ZNF407: variants seen among roughly 807,000 people sequenced by gnomAD.
The protein encoded by ZNF407 is zinc finger protein 407.
Under a neutral mutation model 131.2 loss-of-function variants are expected in ZNF407, and 17 were observed. The ratio of observed to expected loss-of-function variants is 0.13; its 90% CI spans 0.09 to 0.19. The LOEUF (loss-of-function observed/expected upper bound fraction) is 0.19, where lower values mean the gene tolerates loss of function less well. Among genes scored for constraint, ZNF407 ranks in the 10% least tolerant of loss-of-function variants. ZNF407 has a pLI of 1.00. For synonymous variants in ZNF407, 1,156 were observed against 1,062.0 expected, an observed-to-expected ratio of 1.09 and a Z score of -1.72; for missense variants, 2,681 against 2,830.6, an observed-to-expected ratio of 0.95 and a Z score of 1.20.
intron 8 of ZNF407, among the ~76,000 whole-genome samples, chr18:75,056,145 G>A (rs984501732): frequency 1.3e-5 from 2 of 152,098 alleles, no homozygotes; most frequent in East Asian, 3.9e-4. Flanking sequence ...TTGTCCTTAG[G>A]CCAGCTCCTG....
intron 4 of ZNF407, among the ~76,000 whole-genome samples, chr18:74,866,109 A>G (rs1461801930): frequency 1.8e-4 from 27 of 152,314 alleles, no homozygotes; most frequent in African/African-American, 4.8e-5. Context: ...TGATCTTTCA[A>G]TATGTCTGCA....
Position 74,635,033 on chromosome 18 carries a change from A to G in ZNF407, c.4014A>G (p.Glu1338=), listed in dbSNP as rs1555671438. 2 of 1,613,998 alleles carry G rather than the reference A, an allele frequency of 1.2e-6. No individual in the cohort carries two copies. The highest frequency in any genetic ancestry group is 2.2e-5 in the South Asian group (2 of 91,088). ...CAGTTGAAAGTAGTGATGTCTATGA[A>G]ACTATAATTAGTATTGATGATAAAG... is the stretch of plus-strand genomic sequence containing the variant. ...DSTVESSDVY[E]TIISIDDKGQ... The change falls in exon 2 of 9, where the codon GAA becomes GAG. Residue 1338 remains glutamate, a synonymous_variant. Transcript: ENST00000299687. This position sits in a 1 kb window ranked among gnomAD's most constrained non-coding sequence, Gnocchi z 4.7.
chr18:74,657,577 T>C (rs1985519158), intron 3 of ZNF407, among the ~76,000 whole-genome samples: 1 of 152,180 alleles, frequency 6.6e-6, no homozygotes, highest in African/African-American at 2.4e-5. Context: ...TCCTACCTCA[T>C]TGATCTTTGC....
intron 3 of ZNF407, among the ~76,000 whole-genome samples, chr18:74,651,603 TG>T (rs1284737765): frequency 6.6e-6 from 1 of 152,154 alleles, no homozygotes; most frequent in Non-Finnish European, 1.5e-5. Flanking sequence ...ACTTAATTAA[TG>T]GGATGCATAT....
chr18:75,011,744 AT>A, intron 8 of ZNF407, among the ~76,000 whole-genome samples: 1 of 152,168 alleles, frequency 6.6e-6, no homozygotes, highest in East Asian at 1.9e-4. Context: ...AATTGAATGT[AT>A]CTTAAACTCG....
At chr18:74,827,917 C>T (rs772294623) in intron 4 of ZNF407, among the ~76,000 whole-genome samples, 1 of 152,204 alleles carries the variant, frequency 6.6e-6, no homozygotes, top group Non-Finnish European at 1.5e-5. Flanking sequence ...GTTCATACCT[C>T]CCTTCTATGA....
intron 8 of ZNF407, among the ~76,000 whole-genome samples, chr18:74,997,110 T>C (rs1220955219): frequency 6.6e-6 from 1 of 152,210 alleles, no homozygotes; most frequent in Non-Finnish European, 1.5e-5. Context: ...GTAACAGATT[T>C]AATGAGCTAG....
rs72975457 is a variant in ZNF407 at position 74,835,740 on chromosome 18, T to C, written c.4878-41457T>C. Among the ~76,000 whole-genome samples, 809 of 151,924 alleles carry C rather than the reference T, an allele frequency of 5.3e-3. 8 individuals carry two copies. The highest frequency in any genetic ancestry group is 6.1e-3 in the Non-Finnish European group (416 of 67,952). On this transcript the variant is annotated intron_variant, in intron 4 of 8. Coordinates refer to ENST00000299687, the MANE Select transcript of ZNF407 (RefSeq NM_017757.3). ...AGGCAAGAAGAGAAATCTGTAAATT[T>C]GCTCAACCAATATTTAATTTATCTG... is the stretch of plus-strand genomic sequence containing the variant.
chr18:74,892,348 T>C (rs911455028), intron 7 of ZNF407, among the ~76,000 whole-genome samples: 2 of 152,146 alleles, frequency 1.3e-5, no homozygotes, highest in Non-Finnish European at 2.9e-5. Flanking sequence ...AATGCCACTT[T>C]CTGTTTTGTA....
chr18:74,974,141 G>C (rs1430932980), intron 8 of ZNF407, among the ~76,000 whole-genome samples: 1 of 152,148 alleles, frequency 6.6e-6, no homozygotes, highest in East Asian at 1.9e-4. Flanking sequence ...CAACTGTGCA[G>C]ATGTGCGATG....
intron 8 of ZNF407, among the ~76,000 whole-genome samples, chr18:74,933,587 A>G (rs1972007325): frequency 6.6e-6 from 1 of 152,234 alleles, no homozygotes; most frequent in Middle Eastern, 3.2e-3. Flanking sequence ...AAAAATTACA[A>G]ATACAAAAAT....
chr18:74,617,021 CAT>C (rs1983331662), intron 1 of ZNF407, among the ~76,000 whole-genome samples: 1 of 125,872 alleles, frequency 7.9e-6, no homozygotes, highest in African/African-American at 3.2e-5. Context: ...ACACACCACA[CAT>C]ATCCATATCC....
chr18:74,669,605 G>A (rs1453644301), intron 3 of ZNF407, among the ~76,000 whole-genome samples: 2 of 152,220 alleles, frequency 1.3e-5, no homozygotes. Flanking sequence ...TTGACCAGGG[G>A]TTGGACAATG....
intron 3 of ZNF407, among the ~76,000 whole-genome samples, chr18:74,681,773 C>A (rs559079227): frequency 6.6e-6 from 1 of 152,116 alleles, no homozygotes; most frequent in Admixed American, 6.5e-5. Flanking sequence ...TATATTGCTA[C>A]CATATACATG....
At chr18:74,911,332 G>A (rs1017446454) in intron 7 of ZNF407, among the ~76,000 whole-genome samples, 10 of 152,078 alleles carry the variant, frequency 6.6e-5, no homozygotes, top group African/African-American at 2.4e-4. Context: ...TTATTTTATA[G>A]AGCCATTTAA....
At chr18:75,039,432 T>C (rs933752027) in intron 8 of ZNF407, among the ~76,000 whole-genome samples, 1 of 152,194 alleles carries the variant, frequency 6.6e-6, no homozygotes, top group Non-Finnish European at 1.5e-5. Context: ...TCATTCTTAC[T>C]GATGTGTGGA....
intron 4 of ZNF407, among the ~76,000 whole-genome samples, chr18:74,814,324 A>G (rs939883735): frequency 4.6e-5 from 7 of 151,886 alleles, no homozygotes; most frequent in Non-Finnish European, 8.8e-5. Flanking sequence ...TGTAGACACA[A>G]AGTCTCACTA....
chr18:74,643,600 CTT>C (rs1489431408), intron 3 of ZNF407, among the ~76,000 whole-genome samples: 1 of 151,866 alleles, frequency 6.6e-6, no homozygotes, highest in East Asian at 1.9e-4. Context: ...ATACTGTACT[CTT>C]TTTCTTAGTA....
intron 3 of ZNF407, among the ~76,000 whole-genome samples, chr18:74,682,754 T>A (rs1967013518): frequency 6.6e-6 from 1 of 152,252 alleles, no homozygotes; most frequent in African/African-American, 2.4e-5. Flanking sequence ...GTTTACAGTT[T>A]AAAAAAGACA....
Sources: gnomAD v4.1 joint callset for allele counts (sites outside exome capture counted in the v4.1 genomes callset) on GRCh38, gnomAD v4.1.1 for gene constraint, Gnocchi (gnomAD v3.1) non-coding constraint, MANE v1.5 for transcripts, NCBI Gene and HGNC (gene_info 2026-07-23, HGNC 2026-07-21) for gene names.